RAD51B: variants seen among roughly 807,000 people sequenced by gnomAD.
The protein encoded by RAD51B is RAD51 paralog B.
RAD51B carries 38 observed loss-of-function variants against 42.2 expected under a neutral mutation model. That is an observed-to-expected ratio of 0.90 (90% CI 0.70 to 1.18). The LOEUF is 1.18. RAD51B is among the 50% of genes most tolerant of loss of function. The probability of loss-of-function intolerance (pLI) is 0.00; values close to 1 mark genes in which losing one functional copy is unlikely to be tolerated. For missense variants in RAD51B, 373 were observed against 400.7 expected (o/e 0.93, Z 0.59); for synonymous variants, 154 against 145.2 (o/e 1.06, Z -0.43).
intron 9 of RAD51B, among the ~76,000 whole-genome samples, chr14:68,434,156 T>G (rs10438157): frequency 0.85 from 129,480 of 152,198 alleles, 55,376 homozygotes; most frequent in East Asian, 0.97. Context: ...TGCCCCTACT[T>G]GGGGGTGCCT....
chr14:68,503,770 G>A (rs1024882517), intron 10 of RAD51B, among the ~76,000 whole-genome samples: 6 of 152,124 alleles, frequency 3.9e-5, no homozygotes, highest in Non-Finnish European at 8.8e-5. Context: ...CTGAACACAC[G>A]CAGGCCTCTT....
At chr14:68,462,433 T>C (rs892457252) in intron 9 of RAD51B, among the ~76,000 whole-genome samples, 1 of 152,226 alleles carries the variant, frequency 6.6e-6, no homozygotes, top group Non-Finnish European at 1.5e-5. Context: ...ATTGAATAAG[T>C]GCATGGATGG....
chr14:68,487,727 T>C (rs1019097421), intron 10 of RAD51B, among the ~76,000 whole-genome samples: 7 of 152,186 alleles, frequency 4.6e-5, no homozygotes. Context: ...CAGGCTGGTC[T>C]TGAACTCCTG....
At chr14:68,133,100 A>G (rs1467598467) in intron 7 of RAD51B, among the ~76,000 whole-genome samples, 2 of 152,230 alleles carry the variant, frequency 1.3e-5, no homozygotes, top group African/African-American at 4.8e-5. Flanking sequence ...TAGTAATTGC[A>G]TGTATTCAAA....
At chr14:68,613,305 C>T (rs1238261376), downstream of RAD51B, among the ~76,000 whole-genome samples, 2 of 151,946 alleles carry the variant, frequency 1.3e-5, no homozygotes, top group Admixed American at 6.6e-5. Context: ...GTAATCCCAG[C>T]TACTTGGGAG....
chr14:68,098,270 T>C (rs7154228), intron 7 of RAD51B, among the ~76,000 whole-genome samples: 1 of 152,208 alleles, frequency 6.6e-6, no homozygotes, highest in Non-Finnish European at 1.5e-5. Flanking sequence ...CACTCATTCT[T>C]TTCATAACTT....
chr14:68,567,935 G>A (rs989170383), intron 10 of RAD51B, among the ~76,000 whole-genome samples: 9 of 152,178 alleles, frequency 5.9e-5, no homozygotes, highest in African/African-American at 1.9e-4. Context: ...CATAGTTCCA[G>A]GGGTCCCGTT....
chr14:68,606,972 G>C (rs1891471579), intron 10 of RAD51B, among the ~76,000 whole-genome samples: 1 of 152,222 alleles, frequency 6.6e-6, no homozygotes, highest in South Asian at 2.1e-4. Context: ...AAATTAGGGA[G>C]TGTCACATGT....
intron 7 of RAD51B, among the ~76,000 whole-genome samples, chr14:68,250,801 TG>T (rs2080612574): frequency 3.3e-5 from 5 of 152,186 alleles, no homozygotes; most frequent in Non-Finnish European, 5.9e-5. Flanking sequence ...CTGAGGGTTA[TG>T]GAACATTCCC....
chr14:67,854,723 G>A (rs1431286157), intron 4 of RAD51B, among the ~76,000 whole-genome samples: 1 of 152,000 alleles, frequency 6.6e-6, no homozygotes, highest in Non-Finnish European at 1.5e-5. Context: ...AGCACTTTGG[G>A]AGGCTGAAGC....
intron 7 of RAD51B, among the ~76,000 whole-genome samples, chr14:68,131,729 C>T (rs144740631): frequency 3.0e-4 from 45 of 152,124 alleles, no homozygotes; most frequent in Middle Eastern, 3.4e-3. Context: ...TCGACATATT[C>T]TTCCTATCGC....
chr14:68,130,809 G>C (rs867419119), intron 7 of RAD51B, among the ~76,000 whole-genome samples: 4 of 152,168 alleles, frequency 2.6e-5, no homozygotes, highest in African/African-American at 9.7e-5. Context: ...ACAGATTGTT[G>C]AGAGTTATCA....
chr14:68,504,544 A>G (rs907560247), intron 10 of RAD51B, among the ~76,000 whole-genome samples: 2 of 152,044 alleles, frequency 1.3e-5, no homozygotes, highest in African/African-American at 2.4e-5. Flanking sequence ...GGGCCCATGC[A>G]TGATGCTTGG....
intron 7 of RAD51B, among the ~76,000 whole-genome samples, chr14:68,206,142 T>C (rs537191192): frequency 5.3e-5 from 8 of 152,352 alleles, no homozygotes; most frequent in Admixed American, 1.3e-4. Context: ...TCTTGCTTTT[T>C]AAAAATTTGT....
chr14:68,017,395 C>T (rs1015865804), intron 7 of RAD51B, among the ~76,000 whole-genome samples: 4 of 151,960 alleles, frequency 2.6e-5, no homozygotes, highest in African/African-American at 4.8e-5. Context: ...AAGGTTTCAC[C>T]GTGTTGCCTA....
At chr14:68,031,393 G>A (rs2076039380) in intron 7 of RAD51B, among the ~76,000 whole-genome samples, 1 of 152,244 alleles carries the variant, frequency 6.6e-6, no homozygotes, top group Non-Finnish European at 1.5e-5. Context: ...AGATTTGGGT[G>A]GGGACACAGA....
At chr14:68,108,650 G>C (rs2756157) in intron 7 of RAD51B, among the ~76,000 whole-genome samples, 1 of 151,870 alleles carries the variant, frequency 6.6e-6, no homozygotes, top group African/African-American at 2.4e-5. Context: ...TGAGTATCGG[G>C]TTTCTTTTCA....
intron 7 of RAD51B, among the ~76,000 whole-genome samples, chr14:67,960,147 A>G (rs1285253614): frequency 6.6e-6 from 1 of 152,172 alleles, no homozygotes; most frequent in Non-Finnish European, 1.5e-5. Context: ...ATATGCAAAC[A>G]TAACGTTCTA....
At chr14:68,484,819 G>A (rs2140270765) in intron 10 of RAD51B, among the ~76,000 whole-genome samples, 1 of 152,178 alleles carries the variant, frequency 6.6e-6, no homozygotes, top group African/African-American at 2.4e-5. Context: ...TTACATGTCT[G>A]CCCAGGGCTA....
Sources: allele counts gnomAD v4.1 joint callset (sites outside exome capture counted in the v4.1 genomes callset), GRCh38; gene constraint gnomAD v4.1.1; transcripts MANE v1.5; gene names NCBI Gene and HGNC (gene_info 2026-07-23, HGNC 2026-07-21).